The following TIAM1 variants were observed in gnomAD, a reference collection of about 807,000 sequenced individuals.
The protein encoded by TIAM1 is TIAM Rac1 associated GEF 1, also known as rho guanine nucleotide exchange factor TIAM1.
In TIAM1, 65 loss-of-function variants were observed where a neutral mutation model predicts 163.5. The observed-to-expected ratio is 0.40, with a 90% CI of 0.33 to 0.49. TIAM1 has a LOEUF of 0.49. TIAM1 is among the 20% of genes least tolerant of loss of function. The pLI is 0.77. For synonymous variants in TIAM1, 833 were observed against 810.1 expected, an observed-to-expected ratio of 1.03 and a Z score of -0.48; for missense variants, 1,789 against 2,044.7, an observed-to-expected ratio of 0.87 and a Z score of 2.41.
At chr21:31,131,877 G>A (rs1218731862) in intron 23 of TIAM1, among the ~76,000 whole-genome samples, 2 of 152,176 alleles carry the variant, frequency 1.3e-5, no homozygotes, top group Non-Finnish European at 2.9e-5. Context: ...GAGATGCCTT[G>A]ACCCTTTCGC....
rs376843905 is a variant in TIAM1, at chr21:31,236,394, C to T, written c.1584+9094G>A. 1.1e-4 allele frequency among the ~76,000 whole-genome samples: 16 copies of T among 152,194 alleles called. No individual in the cohort carries two copies. In the South Asian group the frequency reaches 2.5e-3, roughly 24 times the overall value. On this transcript the variant is annotated intron_variant, in intron 6 of 27. Transcript: ENST00000541036. ...TGGCTAGGGGCAGGGATATAATCTACGGTGTGGGGAAAACAGGACTTAGCT... is the reference window on the plus strand; with the variant it reads ...TGGCTAGGGGCAGGGATATAATCTATGGTGTGGGGAAAACAGGACTTAGCT...
chr21:31,276,684 A>G (rs556846495), intron 3 of TIAM1, 48 bp downstream of exon 3: 3 of 152,376 alleles, frequency 2.0e-5, no homozygotes, highest in African/African-American at 4.8e-5. Flanking sequence ...AAGCATTTCC[A>G]TTAATTCATA....
chr21:31,491,612 T>C (rs1472451403), intron 1 of TIAM1, among the ~76,000 whole-genome samples: 1 of 152,244 alleles, frequency 6.6e-6, no homozygotes, highest in Middle Eastern at 3.2e-3. Context: ...TGATATCTTT[T>C]ATGACATATT....
At chr21:31,310,550 C>CA (rs1438823907) in intron 2 of TIAM1, among the ~76,000 whole-genome samples, 1 of 152,140 alleles carries the variant, frequency 6.6e-6, no homozygotes, top group African/African-American at 2.4e-5. Flanking sequence ...AAAACCACTC[C>CA]AATAAAGTCT....
At chr21:31,492,358 A>G (rs747821428) in intron 1 of TIAM1, among the ~76,000 whole-genome samples, 5 of 152,236 alleles carry the variant, frequency 3.3e-5, no homozygotes, top group Non-Finnish European at 7.3e-5. Context: ...AGGTGCAGGA[A>G]TGAAAGTCAT....
At chr21:31,288,118 C>G (rs1043734761) in intron 2 of TIAM1, among the ~76,000 whole-genome samples, 3 of 152,078 alleles carry the variant, frequency 2.0e-5, no homozygotes, top group African/African-American at 7.2e-5. Flanking sequence ...GCACCAGATT[C>G]AAATGTTATC....
intron 2 of TIAM1, among the ~76,000 whole-genome samples, chr21:31,367,386 T>C (rs2076521372): frequency 1.3e-5 from 2 of 152,336 alleles, no homozygotes; most frequent in Middle Eastern, 3.4e-3. Context: ...AGAATGGGAC[T>C]AGAAGTACCC....
intron 2 of TIAM1, among the ~76,000 whole-genome samples, chr21:31,442,559 TG>T (rs2044476100): frequency 6.6e-6 from 1 of 152,196 alleles, no homozygotes; most frequent in Non-Finnish European, 1.5e-5. Flanking sequence ...CTTGCAAAAC[TG>T]GCCTAACAGA....
chr21:31,394,333 C>G (rs1301575862), intron 2 of TIAM1, among the ~76,000 whole-genome samples: 1 of 152,210 alleles, frequency 6.6e-6, no homozygotes, highest in Non-Finnish European at 1.5e-5. Context: ...AGAGCAGTGG[C>G]TGCCAGGAGA....
chr21:31,551,669 G>C (rs1429908897), intron 1 of TIAM1, among the ~76,000 whole-genome samples: 1 of 152,132 alleles, frequency 6.6e-6, no homozygotes, highest in Non-Finnish European at 1.5e-5. Context: ...CTTGAGCCTG[G>C]GTGCTTGAGG....
At chr21:31,411,996 C>A (rs549022090) in intron 2 of TIAM1, among the ~76,000 whole-genome samples, 20 of 152,262 alleles carry the variant, frequency 1.3e-4, no homozygotes, top group African/African-American at 4.6e-4. Context: ...ATATTTATTG[C>A]AGCAGGATTC....
At chr21:31,296,135 A>G (rs1024427732) in intron 2 of TIAM1, among the ~76,000 whole-genome samples, 1 of 152,208 alleles carries the variant, frequency 6.6e-6, no homozygotes, top group Non-Finnish European at 1.5e-5. Flanking sequence ...ATGATTATTC[A>G]GGAAAATAGT....
chr21:31,472,698 T>A (rs947454236), intron 1 of TIAM1, among the ~76,000 whole-genome samples: 4 of 152,182 alleles, frequency 2.6e-5, no homozygotes, highest in African/African-American at 9.7e-5. Context: ...ATGGCCTTGA[T>A]CCTAAGATGG....
chr21:31,133,518 T>C (rs2833293), intron 23 of TIAM1, among the ~76,000 whole-genome samples: 12,693 of 152,238 alleles, frequency 0.083, 553 homozygotes, highest in Non-Finnish European at 0.095. Flanking sequence ...CAGAGTAATG[T>C]AGAGTCCACT....
chr21:31,256,123 C>A (rs1275617360), intron 4 of TIAM1, among the ~76,000 whole-genome samples: 1 of 152,100 alleles, frequency 6.6e-6, no homozygotes, highest in Non-Finnish European at 1.5e-5. Flanking sequence ...GTTTTCACTG[C>A]CTTGAAAACT....
intron 2 of TIAM1, among the ~76,000 whole-genome samples, chr21:31,418,944 G>A (rs959646062): frequency 4.6e-5 from 7 of 152,086 alleles, no homozygotes; most frequent in African/African-American, 9.7e-5. Flanking sequence ...AGCCCCCACC[G>A]AGCGGTCTAG....
chr21:31,334,771 T>C (rs1160820079), intron 2 of TIAM1, among the ~76,000 whole-genome samples: 1 of 152,130 alleles, frequency 6.6e-6, no homozygotes, highest in African/African-American at 2.4e-5. Context: ...ACTGGCTCCT[T>C]CCCAAGCTAA....
intron 2 of TIAM1, among the ~76,000 whole-genome samples, chr21:31,431,715 C>T (rs1307053402): frequency 6.6e-6 from 1 of 152,214 alleles, no homozygotes; most frequent in Non-Finnish European, 1.5e-5. Flanking sequence ...ATGGTACAGC[C>T]TTTTGCTTGT....
At chr21:31,449,222 C>T (rs1045134102) in intron 2 of TIAM1, among the ~76,000 whole-genome samples, 1 of 151,982 alleles carries the variant, frequency 6.6e-6, no homozygotes, top group African/African-American at 2.4e-5. Context: ...ACTGTTGTTT[C>T]CCAAAGTGCT....
Sources: allele counts gnomAD v4.1 joint callset (sites outside exome capture counted in the v4.1 genomes callset), GRCh38; gene constraint gnomAD v4.1.1; transcripts MANE v1.5; gene names NCBI Gene and HGNC (gene_info 2026-07-23, HGNC 2026-07-21).